AFAP1: variants seen among roughly 807,000 people sequenced by gnomAD.
AFAP1 encodes the protein actin filament associated protein 1, also known as actin filament-associated protein 1.
In AFAP1, 75 loss-of-function variants were observed where a neutral mutation model predicts 93.9. That is an observed-to-expected ratio of 0.80 (90% CI 0.66 to 0.97). AFAP1 has a LOEUF of 0.97. Among genes scored for constraint, AFAP1 ranks in the 50% least tolerant of loss-of-function variants. The pLI is 0.00. For missense variants in AFAP1, 1,201 were observed against 1,050.8 expected (o/e 1.14, Z -1.98); for synonymous variants, 517 against 430.7 (o/e 1.20, Z -2.48).
intron 1 of AFAP1, among the ~76,000 whole-genome samples, chr4:7,936,996 G>A (rs895811077): frequency 6.6e-6 from 1 of 152,026 alleles, no homozygotes; most frequent in Non-Finnish European, 1.5e-5. Context: ...AAAATGTTAG[G>A]TTGAAACATA....
chr4:7,847,279 G>A (rs983420698), intron 4 of AFAP1, among the ~76,000 whole-genome samples: 2 of 152,136 alleles, frequency 1.3e-5, no homozygotes, highest in Admixed American at 6.5e-5. Context: ...GCTTAGCAAT[G>A]ACCCAATCAA....
chr4:7,924,956 C>T (rs1447419957), intron 1 of AFAP1, among the ~76,000 whole-genome samples: 2 of 152,118 alleles, frequency 1.3e-5, no homozygotes, highest in African/African-American at 4.8e-5. Flanking sequence ...CATAGGACAC[C>T]CCACTTCTGC....
chr4:7,843,665 C>T (rs1713336651), intron 4 of AFAP1: 2 of 283,984 alleles, frequency 7.0e-6, no homozygotes, highest in South Asian at 8.2e-5. Context: ...GCAGGACGAG[C>T]GCCATCCTCA....
At chr4:7,798,840 C>A in intron 10 of AFAP1, 1 of 975,468 alleles carries the variant, frequency 1.0e-6, no homozygotes, top group Non-Finnish European at 1.2e-6. Flanking sequence ...CCCCACCGCA[C>A]CCCGAGCTTC....
At chr4:7,908,303 G>A (rs978950032) in intron 1 of AFAP1, among the ~76,000 whole-genome samples, 1 of 152,118 alleles carries the variant, frequency 6.6e-6, no homozygotes, top group Non-Finnish European at 1.5e-5. Context: ...GGCACACAGG[G>A]TGCCCCTTTA....
chr4:7,781,436 G>A lies in AFAP1; in HGVS notation c.1722C>T (p.Ser574=), dbSNP rs28542374. 991,590 of 1,551,744 alleles carry A rather than the reference G, an allele frequency of 0.64. 319,183 individuals carry two copies. The highest frequency in any genetic ancestry group is 0.82 in the East Asian group (33,414 of 40,912). ...LSSNHYKYPA[S]AQSVTNTSSV... Reference sequence around the variant, plus strand: ...AAGAGGTATTAGTGACAGACTGAGCGGAGGCAGGGTATTTGTAATGGTTAG... The same window carrying A: ...AAGAGGTATTAGTGACAGACTGAGCAGAGGCAGGGTATTTGTAATGGTTAG... The change falls in exon 13 of 18, where the codon TCC becomes TCT. Residue 574 remains serine (S), a synonymous_variant. Coordinates refer to ENST00000420658, the MANE Select transcript of AFAP1 (RefSeq NM_001134647.2).
At chr4:7,798,010 CG>C (rs1451717754) in intron 10 of AFAP1, among the ~76,000 whole-genome samples, 1 of 152,140 alleles carries the variant, frequency 6.6e-6, no homozygotes, top group African/African-American at 2.4e-5. Flanking sequence ...TGCAACTTTT[CG>C]GTAACTCTGA....
At chr4:7,927,445 T>G (rs1017319127) in intron 1 of AFAP1, among the ~76,000 whole-genome samples, 1 of 152,208 alleles carries the variant, frequency 6.6e-6, no homozygotes, top group African/African-American at 2.4e-5. Context: ...AGTGAATTAG[T>G]GCATATAAGG....
intron 4 of AFAP1, among the ~76,000 whole-genome samples, chr4:7,846,988 G>A (rs1404238820): frequency 6.6e-6 from 1 of 152,204 alleles, no homozygotes; most frequent in Non-Finnish European, 1.5e-5. Flanking sequence ...GGAATGAGTT[G>A]AGGTCTACAG....
chr4:7,838,745 T>C (rs1376806069), intron 5 of AFAP1, 42 bp from the exon 6 acceptor site: 1 of 1,596,276 alleles, frequency 6.3e-7, no homozygotes. Flanking sequence ...ATAAGGGAGT[T>C]CGAACAGAAA....
chr4:7,777,596 G>A (rs1337186648), intron 14 of AFAP1: 6 of 152,174 alleles, frequency 3.9e-5, no homozygotes, highest in South Asian at 2.1e-4. Context: ...ACCACCTGGG[G>A]CTAGCTGGCC....
At chr4:7,897,994 C>T (rs367639721) in intron 1 of AFAP1, among the ~76,000 whole-genome samples, 1 of 152,298 alleles carries the variant, frequency 6.6e-6, no homozygotes, top group Middle Eastern at 3.4e-3. Context: ...TGACATCATC[C>T]TTAATCATCC....
chr4:7,850,460 T>C (rs974674261), intron 4 of AFAP1, among the ~76,000 whole-genome samples: 4 of 152,144 alleles, frequency 2.6e-5, no homozygotes, highest in African/African-American at 9.7e-5. Context: ...ACAGAGGAAT[T>C]AGAAAGCTGA....
intron 3 of AFAP1, among the ~76,000 whole-genome samples, chr4:7,866,421 C>G (rs952742108): frequency 2.6e-5 from 4 of 152,166 alleles, no homozygotes; most frequent in Non-Finnish European, 5.9e-5. Context: ...GTCTTGAACT[C>G]CTGAGCTCAG....
At position 7,781,577 on chromosome 4, in the gene AFAP1, T is replaced by G; in HGVS notation, c.1581A>C (p.Glu527Asp). The change falls in exon 13 of 18, where the codon GAA becomes GAC. Residue 527 changes from glutamate (E) to aspartate (D), a missense_variant. By Grantham distance (45) the Glu-to-Asp change is conservative (BLOSUM62 2). Coordinates refer to ENST00000420658, the MANE Select transcript of AFAP1 (RefSeq NM_001134647.2). The part of the protein sequence containing the change: ...FPASCSRGLG[E>D]EVLYDNAGLY... ...GGCCTGCGTTATCATAAAGCACCTC[T>G]TCTCCCAAGCCTCTGCTGCAGGAAG... 4 of 1,551,850 alleles carry G rather than the reference T, an allele frequency of 2.6e-6. No homozygotes were observed. Among genetic ancestry groups the G allele is most frequent in the Non-Finnish European group, 3.5e-6 (4 of 1,147,032 alleles).
chr4:7,893,580 CAAAAAAAAA>C (rs11331784), intron 1 of AFAP1, among the ~76,000 whole-genome samples: 1 of 106,232 alleles, frequency 9.4e-6, no homozygotes, highest in East Asian at 3.1e-4. Flanking sequence ...GACTCTGTCT[CAAAAAAAAA>C]AAAAAAAAAA....
In AFAP1 at chr4:7,800,531, G is replaced by A. The variant is rs973217200; in HGVS notation, c.1177C>T (p.Arg393Cys). Residue 393 changes from arginine (R) to cysteine (C), a missense_variant, in exon 10 of 18, where the codon CGT becomes TGT. Coordinates refer to ENST00000420658, the MANE Select transcript of AFAP1 (RefSeq NM_001134647.2). ...LKTHIVSIPL[R>C]GCEVIPGLDS... Reference sequence around the variant, plus strand: ...AAACCCGGGATCACCTCGCAGCCACGGAGCGGAATAGACACAATATGGGTC... The same window carrying A: ...AAACCCGGGATCACCTCGCAGCCACAGAGCGGAATAGACACAATATGGGTC... The A allele has an allele frequency of 9.3e-6, 15 of 1,614,078 alleles. No homozygotes were observed. The highest frequency in any genetic ancestry group is 5.5e-5 in the South Asian group (5 of 91,086).
intron 1 of AFAP1, among the ~76,000 whole-genome samples, chr4:7,898,672 AAC>A (rs1326004082): frequency 2.0e-5 from 3 of 149,796 alleles, no homozygotes; most frequent in African/African-American, 7.4e-5. Flanking sequence ...AAAAAAAAAA[AAC>A]ACTCTCTCCC....
rs1720417375 is a variant in AFAP1, at chr4:7,921,092, G to A, written c.-3+18564C>T. Among the ~76,000 whole-genome samples the A allele has an allele frequency of 4.0e-5, 6 of 151,236 alleles. No homozygotes were observed. The South Asian group carries it at 1.3e-3, about 32-fold the overall frequency. On this transcript the variant is annotated intron_variant, in intron 1 of 17. Transcript: ENST00000420658. ...AATTAGAAGACTAAATTCAGGTCCT[G>A]AGTGAACCACACATCCTATGAGACC...
Sources: allele counts gnomAD v4.1 joint callset (sites outside exome capture counted in the v4.1 genomes callset), GRCh38; gene constraint gnomAD v4.1.1; transcripts MANE v1.5; gene names NCBI Gene and HGNC (gene_info 2026-07-23, HGNC 2026-07-21).